CDH12: variants seen among roughly 807,000 people sequenced by gnomAD.
CDH12 encodes cadherin-12.
Under a neutral mutation model 74.1 loss-of-function variants are expected in CDH12, and 41 were observed. That is an observed-to-expected ratio of 0.55 (90% confidence interval 0.43 to 0.72). The LOEUF (loss-of-function observed/expected upper bound fraction) is 0.72, where lower values mean the gene tolerates loss of function less well. Among genes scored for constraint, CDH12 ranks in the 30% least tolerant of loss-of-function variants. The pLI is 0.00. For synonymous variants in CDH12, 399 were observed against 355.0 expected (o/e 1.12, Z -1.39); for missense variants, 945 against 977.2 (o/e 0.97, Z 0.44).
At chr5:22,145,304 G>A (rs900871064) in intron 4 of CDH12, among the ~76,000 whole-genome samples, 3 of 152,092 alleles carry the variant, frequency 2.0e-5, no homozygotes, top group African/African-American at 7.2e-5. Flanking sequence ...ACAGCTGCTA[G>A]CAATGAGGGG....
intron 4 of CDH12, among the ~76,000 whole-genome samples, chr5:22,164,121 C>A (rs1748525299): frequency 6.6e-6 from 1 of 152,182 alleles, no homozygotes; most frequent in Admixed American, 6.5e-5. Context: ...GGGGTCCTTG[C>A]TCCCAGAGCT....
At chr5:22,302,236 T>C (rs910967064) in intron 3 of CDH12, among the ~76,000 whole-genome samples, 4 of 152,006 alleles carry the variant, frequency 2.6e-5, no homozygotes, top group Non-Finnish European at 5.9e-5. Flanking sequence ...CCGCTCTACA[T>C]ACACACACAC....
intron 6 of CDH12, chr5:21,883,414 C>G: frequency 6.4e-7 from 1 of 1,572,862 alleles, no homozygotes; most frequent in East Asian, 2.2e-5. Flanking sequence ...GTGATAATCG[C>G]TGAAGATGTT....
intron 4 of CDH12, among the ~76,000 whole-genome samples, chr5:22,174,781 A>C (rs1749236890): frequency 6.6e-6 from 1 of 151,984 alleles, no homozygotes; most frequent in Non-Finnish European, 1.5e-5. Flanking sequence ...CAATGATAAA[A>C]AGTTGCAAAT....
chr5:22,027,557 C>A (rs1288286231), intron 5 of CDH12, among the ~76,000 whole-genome samples: 4 of 152,056 alleles, frequency 2.6e-5, no homozygotes, highest in Non-Finnish European at 4.4e-5. Flanking sequence ...GTGTATGAGT[C>A]GAGGAATTTA....
intron 2 of CDH12, among the ~76,000 whole-genome samples, chr5:22,442,204 A>G (rs1474807491): frequency 6.6e-6 from 1 of 152,244 alleles, no homozygotes; most frequent in Non-Finnish European, 1.5e-5. Flanking sequence ...ATTTATAAGC[A>G]TTAGTATCAA....
chr5:22,040,810 T>C (rs1739523897), intron 5 of CDH12, among the ~76,000 whole-genome samples: 1 of 152,118 alleles, frequency 6.6e-6, no homozygotes, highest in Non-Finnish European at 1.5e-5. Flanking sequence ...TTAAGGGAGT[T>C]CTTATAGTAG....
chr5:22,654,665 C>T (rs189542652), intron 1 of CDH12, among the ~76,000 whole-genome samples: 12 of 148,352 alleles, frequency 8.1e-5, no homozygotes, highest in African/African-American at 1.2e-4. Flanking sequence ...GAGACAGTTT[C>T]GCTCTTGTTG....
rs117866228 is a variant in CDH12 at position 22,755,872 on chromosome 5, T to G, written c.-523+97186A>C. Reference sequence around the variant, plus strand: ...TTTAAAAGTATCTAAATCATTAGGGTACACTTTTGGATAAACAAGTTAGAA... The same window carrying G: ...TTTAAAAGTATCTAAATCATTAGGGGACACTTTTGGATAAACAAGTTAGAA... On this transcript the variant is annotated intron_variant, in intron 1 of 14. Coordinates refer to ENST00000382254, the MANE Select transcript of CDH12 (RefSeq NM_004061.5). 1.5e-3 allele frequency among the ~76,000 whole-genome samples: 235 copies of G among 152,020 alleles called. 5 individuals carry two copies. The East Asian group carries it at 0.043, about 28-fold the overall frequency.
intron 9 of CDH12, among the ~76,000 whole-genome samples, chr5:21,806,801 T>G (rs1747451811): frequency 1.3e-5 from 2 of 152,212 alleles, no homozygotes; most frequent in African/African-American, 4.8e-5. Context: ...CCTCACAGGC[T>G]GGCAGTCTTG....
At chr5:22,362,679 C>A (rs1192915927) in intron 3 of CDH12, among the ~76,000 whole-genome samples, 1 of 151,630 alleles carries the variant, frequency 6.6e-6, no homozygotes, top group African/African-American at 2.4e-5. Context: ...TTGGAACCAA[C>A]CCAAATGTCC....
At chr5:21,962,690 T>C (rs972817130) in intron 6 of CDH12, among the ~76,000 whole-genome samples, 1 of 152,144 alleles carries the variant, frequency 6.6e-6, no homozygotes, top group Non-Finnish European at 1.5e-5. Flanking sequence ...GGCTTCCAGA[T>C]CCTTTTGATC....
chr5:22,067,524 GA>G (rs1201034960), intron 5 of CDH12, among the ~76,000 whole-genome samples: 7 of 152,240 alleles, frequency 4.6e-5, no homozygotes, highest in African/African-American at 1.7e-4. Flanking sequence ...AGAATGAAAA[GA>G]AGGCTCTGAG....
chr5:22,547,338 T>A (rs745780193), intron 1 of CDH12, among the ~76,000 whole-genome samples: 46 of 152,136 alleles, frequency 3.0e-4, no homozygotes, highest in Non-Finnish European at 5.1e-4. Flanking sequence ...AGTATCTCTC[T>A]CAAAAAGCCA....
At chr5:22,527,246 G>A (rs765360539) in intron 1 of CDH12, among the ~76,000 whole-genome samples, 12 of 152,006 alleles carry the variant, frequency 7.9e-5, no homozygotes, top group Non-Finnish European at 1.5e-4. Context: ...TTCTTCAAGG[G>A]GACTTGTCTT....
At chr5:22,567,257 T>C (rs1739333573) in intron 1 of CDH12, among the ~76,000 whole-genome samples, 1 of 152,170 alleles carries the variant, frequency 6.6e-6, no homozygotes, top group Non-Finnish European at 1.5e-5. Flanking sequence ...TCAACCATTG[T>C]CCATAAAAGA....
At chr5:21,915,746 A>G (rs181281054) in intron 6 of CDH12, among the ~76,000 whole-genome samples, 1 of 152,118 alleles carries the variant, frequency 6.6e-6, no homozygotes, top group East Asian at 1.9e-4. Flanking sequence ...CATGCTCAAG[A>G]AAACAGCAGG....
chr5:22,198,217 T>A (rs1164919527), intron 4 of CDH12, among the ~76,000 whole-genome samples: 1 of 152,188 alleles, frequency 6.6e-6, no homozygotes, highest in Admixed American at 6.5e-5. Context: ...GTAGTCTCTC[T>A]TTTGTACTTC....
chr5:22,605,320 T>C (rs1561523310), intron 1 of CDH12, among the ~76,000 whole-genome samples: 1 of 152,190 alleles, frequency 6.6e-6, no homozygotes, highest in Non-Finnish European at 1.5e-5. Context: ...ATACATTCTA[T>C]TAGTTCTACT....
Sources: allele counts gnomAD v4.1 joint callset (sites outside exome capture counted in the v4.1 genomes callset), GRCh38; gene constraint gnomAD v4.1.1; transcripts MANE v1.5; gene names NCBI Gene and HGNC (gene_info 2026-07-23, HGNC 2026-07-21).